Variants in ZFYVE1 observed in about 807,000 individuals in gnomAD.
ZFYVE1 encodes zinc finger FYVE domain-containing protein 1.
A neutral mutation model predicts 74.4 loss-of-function variants in ZFYVE1; 30 were observed. The observed-to-expected ratio is 0.40, with a 90% CI of 0.30 to 0.55. The LOEUF (loss-of-function observed/expected upper bound fraction) is 0.55, where lower values mean the gene tolerates loss of function less well. Ranked by LOEUF, ZFYVE1 falls within the 20% of genes least tolerant of loss-of-function variation. The pLI, the probability that ZFYVE1 is intolerant of heterozygous loss-of-function variation, is 0.42. For missense variants in ZFYVE1, 703 were observed against 1,011.6 expected (o/e 0.69, Z 4.14); for synonymous variants, 335 against 385.1 (o/e 0.87, Z 1.52).
chr14:72,972,902 T>G (rs28619241), intron 11 of ZFYVE1, among the ~76,000 whole-genome samples: 72,879 of 151,450 alleles, frequency 0.48, 17,942 homozygotes, highest in African/African-American at 0.55. Flanking sequence ...TAGAGACGGG[T>G]TTTCACCGTG....
chr14:72,988,452 G>A (rs1398969240), intron 4 of ZFYVE1, among the ~76,000 whole-genome samples: 1 of 151,706 alleles, frequency 6.6e-6, no homozygotes, highest in Non-Finnish European at 1.5e-5. Flanking sequence ...TGGGATTACA[G>A]GCGTGAGCCA....
At chr14:72,976,707 C>T (rs577106805) in intron 8 of ZFYVE1, among the ~76,000 whole-genome samples, 8 of 149,876 alleles carry the variant, frequency 5.3e-5, no homozygotes, top group Non-Finnish European at 1.2e-4. Context: ...TGCTTGAACC[C>T]AGGAGGTGGA....
Position 72,978,088 on chromosome 14 carries a change from G to C in ZFYVE1, c.1518-44C>G, listed in dbSNP as rs757752586. On this transcript the variant is annotated intron_variant, in intron 7 of 11. Coordinates refer to ENST00000556143, the MANE Select transcript of ZFYVE1 (RefSeq NM_021260.4). ...AATACTGTTACCCAGCCAGGTGCCT[G>C]GGGAGACAAACGCACCAGAAAACCT... 3.1e-6 allele frequency: 5 copies of C among 1,613,632 alleles called. No individual in the cohort carries two copies. The South Asian group carries it at 5.5e-5, about 18-fold the overall frequency.
chr14:72,969,802 CAA>C lies in ZFYVE1; in HGVS notation c.*1078_*1079del, dbSNP rs1770644143. The C allele has an allele frequency of 2.9e-6, 2 of 683,866 alleles. No homozygotes were observed. Among genetic ancestry groups the C allele is most frequent in the Admixed American group, 4.6e-5 (2 of 43,474 alleles). The allele number at this position is 683,866 out of a possible 1,614,324, so 42.4% of individuals were successfully genotyped here. ...TTCCTTTGACTTCTCTTGCAAGGAC[CAA>C]AGAGATAAATTTTTTCTTTACGATC... On this transcript the variant is annotated 3_prime_UTR_variant, in exon 12 of 12. Transcript: ENST00000556143.
At chr14:72,971,347 A>AT (rs1893029610) in intron 11 of ZFYVE1, among the ~76,000 whole-genome samples, 1 of 151,946 alleles carries the variant, frequency 6.6e-6, no homozygotes, top group East Asian at 1.9e-4. Context: ...ATTTTTTAAG[A>AT]TTTTTTGGAG....
At chr14:72,985,575 A>G (rs555998066) in intron 4 of ZFYVE1, among the ~76,000 whole-genome samples, 4 of 150,826 alleles carry the variant, frequency 2.7e-5, no homozygotes, top group South Asian at 2.1e-4. Flanking sequence ...CAAGTGATCC[A>G]CCCAACTCAG....
In ZFYVE1 at chr14:72,975,168, G is replaced by A; in HGVS notation, c.1807-209C>T. The A allele has an allele frequency of 1.8e-6, 1 of 570,254 alleles. No homozygotes were observed. The highest frequency in any genetic ancestry group is 3.0e-6 in the Non-Finnish European group (1 of 334,778). The allele number at this position is 570,254 out of a possible 1,614,324, so 35.3% of individuals were successfully genotyped here. On this transcript the variant is annotated intron_variant, in intron 9 of 11. Transcript: ENST00000556143. The surrounding 1 kb of genome is among the most constrained non-coding windows in gnomAD (Gnocchi z 4.1). ...TTTCCTTTCACTAAGTGTCTGGGTT[G>A]AAGCTGGGTGCTCTCTTGCTCTGGG...
At chr14:72,978,110 A>G (rs1893223410) in intron 7 of ZFYVE1, 27 bp downstream of exon 7, 1 of 1,613,836 alleles carries the variant, frequency 6.2e-7, no homozygotes, top group Non-Finnish European at 8.5e-7. Flanking sequence ...GCACCAGAAA[A>G]CCTTGAGCCA....
In ZFYVE1 at chr14:72,970,900, T is replaced by C. The variant is rs775761594; in HGVS notation, c.2316A>G (p.Lys772=). Residue 772 remains lysine (K), a synonymous_variant, in exon 12 of 12, where the codon AAA becomes AAG. Coordinates refer to ENST00000556143, the MANE Select transcript of ZFYVE1 (RefSeq NM_021260.4). ...HPVRVCFNCN[K]KPGDL Reference sequence around the variant, plus strand: ...GCTGGGGTTAAAGGTCACCGGGCTTTTTATTGCAGTTGAAGCAGACTCGGA... The same window carrying C: ...GCTGGGGTTAAAGGTCACCGGGCTTCTTATTGCAGTTGAAGCAGACTCGGA... 1 of 1,614,060 alleles carries C rather than the reference T, an allele frequency of 6.2e-7. No homozygotes were observed. Among genetic ancestry groups the C allele is most frequent in the African/African-American group, 1.3e-5 (1 of 74,918 alleles).
chr14:72,974,864 CTT>C lies in ZFYVE1; in HGVS notation c.1900_1901del (p.Lys634AspfsTer6). 6.2e-7 allele frequency: 1 copy of C among 1,614,148 alleles called. No individual in the cohort carries two copies. The highest frequency in any genetic ancestry group is 1.1e-5 in the South Asian group (1 of 91,078). ...AGCCCCGCTCAGGCACTGGCCGAGT[CTT>C]TGATGAACAGCTGTCACAGAAGCCC... ...GEGFCDSCSS[K>X]TRPVPERGWG... is the part of the protein sequence containing the mutation. On this transcript the variant is annotated frameshift_variant, in exon 10 of 12. Transcript: ENST00000556143. LOFTEE classifies it high-confidence loss of function.
chr14:73,007,116 C>T (rs930360245), intron 2 of ZFYVE1, among the ~76,000 whole-genome samples: 1 of 152,066 alleles, frequency 6.6e-6, no homozygotes, highest in Non-Finnish European at 1.5e-5. Flanking sequence ...CGAGAGATTC[C>T]TTCCAAGCCC....
chr14:73,006,709 CTTTTTT>C (rs35364666), intron 2 of ZFYVE1, among the ~76,000 whole-genome samples: 2 of 77,634 alleles, frequency 2.6e-5, no homozygotes, highest in African/African-American at 9.0e-5. Flanking sequence ...ACCCCAGTTC[CTTTTTT>C]TTTTTTTTTT....
In ZFYVE1 at chr14:72,975,401, C is replaced by T. The variant is rs1042804887; in HGVS notation, c.1806+150G>A. Reference sequence around the variant, plus strand: ...GGCAAAGAGAAACTGGCTGCCTCAACGACTCCTCCCCTTGCCGGTACTCAC... The same window carrying T: ...GGCAAAGAGAAACTGGCTGCCTCAATGACTCCTCCCCTTGCCGGTACTCAC... On this transcript the variant is annotated intron_variant, in intron 9 of 11. Transcript: ENST00000556143. This position sits in a 1 kb window ranked among gnomAD's most constrained non-coding sequence, Gnocchi z 4.1. 1.8e-5 allele frequency: 18 copies of T among 987,662 alleles called. No individual in the cohort carries two copies. Among genetic ancestry groups the T allele is most frequent in the African/African-American group, 4.9e-5 (3 of 61,390 alleles). 61.2% of individuals were successfully genotyped at this position (987,662 alleles called of 1,614,324 possible). A position where few individuals can be genotyped will look rare whatever the true frequency, so the allele number is the denominator to read the frequency against.
intron 2 of ZFYVE1, among the ~76,000 whole-genome samples, chr14:73,003,436 C>T (rs146418645): frequency 6.6e-6 from 1 of 152,266 alleles, no homozygotes; most frequent in African/African-American, 2.4e-5. Context: ...TTCCTATAAT[C>T]TCATCAAGAT....
chr14:73,010,222 T>C (rs556712011), intron 2 of ZFYVE1, among the ~76,000 whole-genome samples: 1 of 152,322 alleles, frequency 6.6e-6, no homozygotes, highest in Non-Finnish European at 1.5e-5. Context: ...CCCAGAACTT[T>C]TGGAGGCCAG....
chr14:72,978,968 C>T lies in ZFYVE1; in HGVS notation c.1312G>A (p.Val438Ile), dbSNP rs149900211. 4.3e-6 allele frequency: 7 copies of T among 1,613,566 alleles called. No homozygotes were observed. The highest frequency in any genetic ancestry group is 4.0e-5 in the African/African-American group (3 of 75,008). Reference sequence around the variant, plus strand: ...TGATTCATGCTTTTCTTACATCCAACCCTGAATGAAGCCCAAAGACTGACA... The same window carrying T: ...TGATTCATGCTTTTCTTACATCCAATCCTGAATGAAGCCCAAAGACTGACA... ...TCSSLCLSCG[V>I]GCKKSMNHGK... The change falls in exon 6 of 12, where the codon GTT (valine) becomes ATT (isoleucine). Residue 438 changes from valine (V) to isoleucine (I), a missense_variant and splice_region_variant. By Grantham distance (29) the Val-to-Ile change is conservative (BLOSUM62 3). Coordinates refer to ENST00000556143, the MANE Select transcript of ZFYVE1 (RefSeq NM_021260.4).
At chr14:72,973,269 A>G (rs910526486) in intron 11 of ZFYVE1, among the ~76,000 whole-genome samples, 2 of 151,896 alleles carry the variant, frequency 1.3e-5, no homozygotes, top group African/African-American at 4.8e-5. Context: ...CCGGTGGATC[A>G]CCTGAGCTCA....
intron 4 of ZFYVE1, among the ~76,000 whole-genome samples, chr14:72,985,161 C>A (rs1893442359): frequency 6.6e-6 from 1 of 152,160 alleles, no homozygotes; most frequent in South Asian, 2.1e-4. Flanking sequence ...TGGGAAAAGG[C>A]AGCTTTTTTA....
At chr14:72,994,626 T>C (rs1281103807) in intron 3 of ZFYVE1, among the ~76,000 whole-genome samples, 1 of 152,156 alleles carries the variant, frequency 6.6e-6, no homozygotes, top group African/African-American at 2.4e-5. Context: ...AAAATCTAGA[T>C]ATGCCAAAGC....
Sources: allele counts gnomAD v4.1 joint callset (sites outside exome capture counted in the v4.1 genomes callset), GRCh38; gene constraint gnomAD v4.1.1; non-coding constraint Gnocchi (gnomAD v3.1); transcripts MANE v1.5; gene names NCBI Gene and HGNC (gene_info 2026-07-23, HGNC 2026-07-21).